CUEDC1: variants seen among roughly 807,000 people sequenced by gnomAD.
CUEDC1 encodes CUE domain-containing protein 1.
In CUEDC1, 30 loss-of-function variants were observed where a neutral mutation model predicts 43.7. The ratio of observed to expected loss-of-function variants is 0.69; its 90% CI spans 0.51 to 0.93. CUEDC1 has a LOEUF of 0.93. Among genes scored for constraint, CUEDC1 ranks in the 40% least tolerant of loss-of-function variants. The probability of loss-of-function intolerance (pLI) is 0.00; values close to 1 mark genes in which losing one functional copy is unlikely to be tolerated. For missense variants in CUEDC1, 486 were observed against 549.0 expected (o/e 0.89, Z 1.15); for synonymous variants, 223 against 223.6 (o/e 1.00, Z 0.02).
chr17:57,899,066 G>C (rs2074443015), intron 1 of CUEDC1, among the ~76,000 whole-genome samples: 1 of 152,126 alleles, frequency 6.6e-6, no homozygotes. Context: ...CAGGACAGAG[G>C]AACAGAGGCT....
intron 1 of CUEDC1, among the ~76,000 whole-genome samples, chr17:57,941,201 G>A (rs574345068): frequency 6.6e-6 from 1 of 152,352 alleles, no homozygotes; most frequent in East Asian, 1.9e-4. Context: ...CAGCCGAAAT[G>A]TCTCCTCTGG....
chr17:57,902,739 C>T (rs940103580), intron 1 of CUEDC1, among the ~76,000 whole-genome samples: 5 of 152,212 alleles, frequency 3.3e-5, no homozygotes, highest in African/African-American at 1.2e-4. Flanking sequence ...GCGGGAAAGT[C>T]CCCGAACGCT....
chr17:57,906,698 C>T (rs568915529), intron 1 of CUEDC1, among the ~76,000 whole-genome samples: 2 of 152,242 alleles, frequency 1.3e-5, no homozygotes, highest in African/African-American at 4.8e-5. Flanking sequence ...AGGCCAGGTG[C>T]GGTGGCTCAT....
chr17:57,951,921 C>T (rs1016224348), intron 1 of CUEDC1, among the ~76,000 whole-genome samples: 5 of 152,214 alleles, frequency 3.3e-5, no homozygotes, highest in African/African-American at 4.8e-5. Flanking sequence ...GCTGCATCAT[C>T]AAGAGTCTGT....
At chr17:57,881,572 C>T (rs1217156711) in intron 2 of CUEDC1, among the ~76,000 whole-genome samples, 1 of 152,228 alleles carries the variant, frequency 6.6e-6, no homozygotes. Flanking sequence ...GGGCTTTGGG[C>T]TGCAGCCTTG....
Position 57,916,633 on chromosome 17 carries a change from T to A in CUEDC1, c.-315-30754A>T, listed in dbSNP as rs182177639. On this transcript the variant is annotated intron_variant, in intron 1 of 10. Transcript: ENST00000577830. ...CAGCGGAAGGATGAAAGGTAATCAG[T>A]GGATCTAGAAGCCACACTGGGAGCC... Among the ~76,000 whole-genome samples the A allele has an allele frequency of 4.1e-3, 617 of 152,140 alleles. 4 individuals are homozygous for A. The highest frequency in any genetic ancestry group is 0.031 in the Middle Eastern group (9 of 294).
chr17:57,923,763 C>T (rs951767328), intron 1 of CUEDC1, among the ~76,000 whole-genome samples: 4 of 152,146 alleles, frequency 2.6e-5, no homozygotes, highest in African/African-American at 9.7e-5. Context: ...ATTTTGTGAC[C>T]CTGAACATCA....
intron 1 of CUEDC1, among the ~76,000 whole-genome samples, chr17:57,912,690 T>C (rs1001988076): frequency 6.6e-6 from 1 of 152,010 alleles, no homozygotes; most frequent in African/African-American, 2.4e-5. Flanking sequence ...CAAACAATAA[T>C]AACGCCACTG....
In CUEDC1 at chr17:57,944,196, T is replaced by TATA. The variant is rs1465660905; in HGVS notation, c.-316+11028_-316+11029insTAT. On this transcript the variant is annotated intron_variant, in intron 1 of 10. Coordinates refer to ENST00000577830, the MANE Select transcript of CUEDC1 (RefSeq NM_001271875.2). ...AAATGTTAGTTATTATTATTTATTT[T>TATA]TTTATATATATATATTTTTTTTTTT... is the stretch of plus-strand genomic sequence containing the variant. Among the ~76,000 whole-genome samples, 579 of 143,054 alleles carry TATA rather than the reference T, an allele frequency of 4.0e-3. 4 individuals carry two copies. Among genetic ancestry groups the TATA allele is most frequent in the African/African-American group, 0.011 (421 of 37,570 alleles). The allele number at this position is 143,054 out of a possible 152,430, so 93.8% of individuals were successfully genotyped here.
At chr17:57,886,329 G>T (rs1568036859) in intron 1 of CUEDC1, among the ~76,000 whole-genome samples, 1 of 152,296 alleles carries the variant, frequency 6.6e-6, no homozygotes, top group East Asian at 1.9e-4. Flanking sequence ...GCTCTTTAAA[G>T]ATGTCCTGCC....
At chr17:57,928,689 A>AG (rs2074773808) in intron 1 of CUEDC1, among the ~76,000 whole-genome samples, 1 of 151,852 alleles carries the variant, frequency 6.6e-6, no homozygotes, top group South Asian at 2.1e-4. Context: ...AATAGCGAAG[A>AG]GGGCAACTTG....
intron 3 of CUEDC1, 64 bp downstream of exon 3, chr17:57,879,547 C>T (rs2074174242): frequency 1.9e-5 from 29 of 1,503,808 alleles, no homozygotes; most frequent in Non-Finnish European, 2.5e-5. Flanking sequence ...GTTGTTTGTA[C>T]ACAGCCCCAG....
chr17:57,939,615 C>A (rs1165186149), intron 1 of CUEDC1, among the ~76,000 whole-genome samples: 1 of 152,102 alleles, frequency 6.6e-6, no homozygotes, highest in African/African-American at 2.4e-5. Flanking sequence ...CAGCTCATAT[C>A]CCTCCTGTGA....
intron 7 of CUEDC1, 176 bp from the exon 8 acceptor site, chr17:57,868,419 G>A (rs1048237996): frequency 1.3e-5 from 8 of 621,606 alleles, no homozygotes; most frequent in Non-Finnish European, 2.0e-5. Context: ...CCCTGAGGAC[G>A]CCACCCCAGG....
intron 7 of CUEDC1, among the ~76,000 whole-genome samples, chr17:57,868,711 G>A (rs976948646): frequency 1.1e-4 from 16 of 152,248 alleles, no homozygotes; most frequent in African/African-American, 3.1e-4. Flanking sequence ...TCTGTGTGGC[G>A]GGGAGGTGAG....
At chr17:57,948,789 T>C (rs1010982745) in intron 1 of CUEDC1, among the ~76,000 whole-genome samples, 2 of 152,178 alleles carry the variant, frequency 1.3e-5, no homozygotes, top group African/African-American at 4.8e-5. Context: ...CTTACTTGAA[T>C]CCTCCCTCTG....
intron 5 of CUEDC1, among the ~76,000 whole-genome samples, chr17:57,871,763 A>C (rs2074037592): frequency 6.6e-6 from 1 of 152,190 alleles, no homozygotes; most frequent in African/African-American, 2.4e-5. Context: ...GTCTCTACTA[A>C]AAATACAAAA....
chr17:57,906,745 T>C (rs1304848069), intron 1 of CUEDC1, among the ~76,000 whole-genome samples: 2 of 151,548 alleles, frequency 1.3e-5, no homozygotes, highest in Non-Finnish European at 2.9e-5. Flanking sequence ...CCAAGGCGGG[T>C]GGATCACCTG....
intron 7 of CUEDC1, 187 bp from the exon 8 acceptor site, chr17:57,868,430 A>T: frequency 1.6e-6 from 1 of 609,060 alleles, no homozygotes. Flanking sequence ...CCACCCCAGG[A>T]GCAAGAGGCT....
Sources: gnomAD v4.1 joint callset for allele counts (sites outside exome capture counted in the v4.1 genomes callset) on GRCh38, gnomAD v4.1.1 for gene constraint, MANE v1.5 for transcripts, NCBI Gene and HGNC (gene_info 2026-07-23, HGNC 2026-07-21) for gene names.